The following EYA1 variants were observed in gnomAD, a reference collection of about 807,000 sequenced individuals.
EYA1 encodes the protein EYA transcriptional coactivator and phosphatase 1.
In EYA1, 16 loss-of-function variants were observed where a neutral mutation model predicts 82.0. The ratio of observed to expected loss-of-function variants is 0.20; its 90% CI spans 0.13 to 0.30. The LOEUF is 0.30. Among genes scored for constraint, EYA1 ranks in the 10% least tolerant of loss-of-function variants. The probability of loss-of-function intolerance (pLI) is 1.00; values close to 1 mark genes in which losing one functional copy is unlikely to be tolerated. For missense variants in EYA1, 633 were observed against 730.7 expected (o/e 0.87, Z 1.54); for synonymous variants, 261 against 264.4 (o/e 0.99, Z 0.12).
intron 12 of EYA1, among the ~76,000 whole-genome samples, 184 bp downstream of exon 12, chr8:71,244,419 A>C (rs1812832099): frequency 6.6e-6 from 1 of 152,354 alleles, no homozygotes; most frequent in African/African-American, 2.4e-5. Flanking sequence ...TCTAACTCTG[A>C]AAATCAACAG....
At chr8:71,306,821 T>G (rs1186068186) in intron 7 of EYA1, among the ~76,000 whole-genome samples, 1 of 152,222 alleles carries the variant, frequency 6.6e-6, no homozygotes, top group Non-Finnish European at 1.5e-5. Flanking sequence ...ACCTCTCCAT[T>G]AGACCAGTAC....
intron 7 of EYA1, among the ~76,000 whole-genome samples, chr8:71,316,211 C>G (rs965242667): frequency 2.6e-5 from 4 of 152,080 alleles, no homozygotes; most frequent in Non-Finnish European, 4.4e-5. Context: ...ACAGCCCTTC[C>G]TTGTGTAAAT....
intron 2 of EYA1, among the ~76,000 whole-genome samples, chr8:71,371,713 A>G (rs1429853480): frequency 6.6e-6 from 1 of 152,192 alleles, no homozygotes; most frequent in Non-Finnish European, 1.5e-5. Flanking sequence ...GGAAAACAAA[A>G]ATAAACTCCC....
In EYA1 at chr8:71,269,948, C is replaced by CA. The variant is rs557498232; in HGVS notation, c.967-126dup. The CA allele has an allele frequency of 9.1e-4, 675 of 739,330 alleles. 2 individuals carry two copies. The highest frequency in any genetic ancestry group is 1.2e-3 in the Non-Finnish European group (498 of 415,406). The allele number at this position is 739,330 out of a possible 1,614,324, so 45.8% of individuals were successfully genotyped here. A position where few individuals can be genotyped will look rare whatever the true frequency, so the allele number is the denominator to read the frequency against. On this transcript the variant is annotated intron_variant, in intron 10 of 17. Coordinates refer to ENST00000340726, the MANE Select transcript of EYA1 (RefSeq NM_000503.6). ...AATGAAAAATCTGAATTTATTATTTCAAAAAAAACACAACTGTTTCAAAGA... is the reference window on the plus strand; with the variant it reads ...AATGAAAAATCTGAATTTATTATTTCAAAAAAAAACACAACTGTTTCAAAGA...
In EYA1 at chr8:71,216,870, A is replaced by G; in HGVS notation, c.1200-18T>C. Reference sequence around the variant, plus strand: ...TATATGTGCTATTTATATGCAAGAAAAGCCCAAAGTTAGCCGAACAGAAAG... The same window carrying G: ...TATATGTGCTATTTATATGCAAGAAGAGCCCAAAGTTAGCCGAACAGAAAG... On this transcript the variant is annotated intron_variant, in intron 13 of 17. Transcript: ENST00000340726. The G allele has an allele frequency of 6.2e-7, 1 of 1,614,154 alleles. No homozygotes were observed. The highest frequency in any genetic ancestry group is 8.5e-7 in the Non-Finnish European group (1 of 1,179,988).
At chr8:71,362,287 A>AG, upstream of EYA1, 2 of 855,854 alleles carry the variant, frequency 2.3e-6, no homozygotes, top group Non-Finnish European at 2.8e-6. Flanking sequence ...TGCTGTTTAA[A>AG]AAAAAAAAAA....
chr8:71,417,466 T>C (rs1008959246), intron 2 of EYA1, among the ~76,000 whole-genome samples: 1 of 152,216 alleles, frequency 6.6e-6, no homozygotes, highest in Non-Finnish European at 1.5e-5. Flanking sequence ...TAAAAGTTTT[T>C]TTTAAAATTT....
chr8:71,489,601 A>G (rs1810837502), intron 2 of EYA1, among the ~76,000 whole-genome samples: 1 of 152,218 alleles, frequency 6.6e-6, no homozygotes, highest in African/African-American at 2.4e-5. Flanking sequence ...TTCTAGGTAG[A>G]CAGCAGAGGC....
chr8:71,528,796 A>G lies in EYA1; in HGVS notation c.33+6948T>C, dbSNP rs186772813. 2.1e-3 allele frequency among the ~76,000 whole-genome samples: 326 copies of G among 152,368 alleles called. 2 individuals are homozygous for G. The highest frequency in any genetic ancestry group is 0.014 in the Middle Eastern group (4 of 292). On this transcript the variant is annotated intron_variant, in intron 2 of 18. Coordinates refer to the EYA1 transcript ENST00000643681. ...TCTTTCATATGTTATTTTTAATCAC[A>G]CAATCATGCAAGAAAGGTATTATTA...
At chr8:71,244,736 T>TA in intron 11 of EYA1, 44 bp from the exon 12 acceptor site, 2 of 1,162,500 alleles carry the variant, frequency 1.7e-6, no homozygotes, top group Non-Finnish European at 2.6e-6. Context: ...ATACTTCAGG[T>TA]TACATGAAAG....
chr8:71,529,874 T>C (rs920712078), intron 2 of EYA1: 5 of 152,222 alleles, frequency 3.3e-5, no homozygotes, highest in Non-Finnish European at 7.3e-5. Flanking sequence ...CCTTTTGTTT[T>C]CTTATGCCAG....
At chr8:71,301,412 T>C in intron 7 of EYA1, among the ~76,000 whole-genome samples, 1 of 152,216 alleles carries the variant, frequency 6.6e-6, no homozygotes, top group Non-Finnish European at 1.5e-5. Flanking sequence ...TTATGGTTTA[T>C]GGCAGCAAGC....
chr8:71,509,272 A>C (rs997733843), intron 2 of EYA1, among the ~76,000 whole-genome samples: 1 of 152,172 alleles, frequency 6.6e-6, no homozygotes, highest in Non-Finnish European at 1.5e-5. Flanking sequence ...TTGCTTCTTA[A>C]AGCAAGCAAA....
intron 2 of EYA1, among the ~76,000 whole-genome samples, chr8:71,369,940 G>A (rs1254037105): frequency 6.6e-6 from 1 of 151,716 alleles, no homozygotes; most frequent in Non-Finnish European, 1.5e-5. Context: ...GGACAAAATT[G>A]AGTCCTTAAA....
chr8:71,508,187 T>A (rs1338235943), intron 2 of EYA1, among the ~76,000 whole-genome samples: 1 of 152,128 alleles, frequency 6.6e-6, no homozygotes, highest in Non-Finnish European at 1.5e-5. Context: ...TTCAGAAAAA[T>A]TTTCTATCCA....
rs545710837 is a variant in EYA1, at chr8:71,299,353, C to G, written c.640-120G>C. 2.2e-5 allele frequency: 20 copies of G among 927,678 alleles called. No homozygotes were observed. The South Asian group carries it at 2.2e-4, about 10-fold the overall frequency. The allele number at this position is 927,678 out of a possible 1,614,324, so 57.5% of individuals were successfully genotyped here. A position where few individuals can be genotyped will look rare whatever the true frequency, so the allele number is the denominator to read the frequency against. The stretch of plus-strand genomic sequence containing the variant: ...AGCCTTTTCTGAATTCACACGGGGG[C>G]ATACAAGTACACATTAACTAAAGAG... On this transcript the variant is annotated intron_variant, in intron 8 of 17. Coordinates refer to ENST00000340726, the MANE Select transcript of EYA1 (RefSeq NM_000503.6).
At chr8:71,400,271 G>T (rs920636943) in intron 2 of EYA1, among the ~76,000 whole-genome samples, 3 of 152,160 alleles carry the variant, frequency 2.0e-5, no homozygotes, top group South Asian at 2.1e-4. Flanking sequence ...AAAAGCAATT[G>T]CAACGAATGC....
intron 2 of EYA1, among the ~76,000 whole-genome samples, chr8:71,523,182 T>TTC (rs1563701466): frequency 0.012 from 1,751 of 140,742 alleles, 58 homozygotes; most frequent in African/African-American, 0.044. Flanking sequence ...TCTTTTTCTT[T>TTC]TTTTTTTTTT....
chr8:71,542,396 A>C (rs1431102540), intron 1 of EYA1, among the ~76,000 whole-genome samples: 1 of 152,128 alleles, frequency 6.6e-6, no homozygotes, highest in Non-Finnish European at 1.5e-5. Flanking sequence ...ATGTGACCTT[A>C]TTCTTTTCTT....
Sources: gnomAD v4.1 joint callset for allele counts (sites outside exome capture counted in the v4.1 genomes callset) on GRCh38, gnomAD v4.1.1 for gene constraint, MANE v1.5 for transcripts, NCBI Gene and HGNC (gene_info 2026-07-23, HGNC 2026-07-21) for gene names.